BCL7A: variants seen among roughly 807,000 people sequenced by gnomAD.
BCL7A encodes B-cell CLL/lymphoma 7 protein family member A.
BCL7A carries 11 observed loss-of-function variants against 28.4 expected under a neutral mutation model. That is an observed-to-expected ratio of 0.39 (90% CI 0.24 to 0.64). The LOEUF (loss-of-function observed/expected upper bound fraction) is 0.64. Ranked by LOEUF, BCL7A falls within the 30% of genes least tolerant of loss-of-function variation. The pLI is 0.50. For missense variants in BCL7A, 222 were observed against 274.8 expected, an observed-to-expected ratio of 0.81 and a Z score of 1.36; for synonymous variants, 123 against 103.3, an observed-to-expected ratio of 1.19 and a Z score of -1.15.
At chr12:122,026,408 A>C (rs1258869996) in intron 1 of BCL7A, among the ~76,000 whole-genome samples, 1 of 152,108 alleles carries the variant, frequency 6.6e-6, no homozygotes, top group African/African-American at 2.4e-5. Context: ...GTGCCACTGT[A>C]CTCTAGCCTG....
chr12:122,060,122 A>C lies in BCL7A; in HGVS notation c.*959A>C, dbSNP rs1009073603. On this transcript the variant is annotated 3_prime_UTR_variant, in exon 6 of 6. Coordinates refer to ENST00000261822, the MANE Select transcript of BCL7A (RefSeq NM_001024808.3). ...GGGGAGGCTGGGAGCCGGCGGCAGG[A>C]TTAGCTGGTGCTGAACTTTCTCTCA... 2.1e-5 allele frequency: 5 copies of C among 233,122 alleles called. No individual in the cohort carries two copies. The highest frequency in any genetic ancestry group is 1.1e-4 in the African/African-American group (5 of 45,312). 14.4% of individuals were successfully genotyped at this position (233,122 alleles called of 1,614,324 possible).
chr12:122,028,426 TC>T, intron 1 of BCL7A, among the ~76,000 whole-genome samples: 1 of 152,136 alleles, frequency 6.6e-6, no homozygotes, highest in African/African-American at 2.4e-5. Flanking sequence ...TTTTTTTTTT[TC>T]CCAAACACAA....
chr12:122,022,279 C>A, intron 1 of BCL7A, 96 bp downstream of exon 1: 1 of 704,886 alleles, frequency 1.4e-6, no homozygotes, highest in Non-Finnish European at 1.7e-6. Flanking sequence ...CGGCCGCCTG[C>A]CCCGGCCCAG....
chr12:122,025,260 G>A (rs1432546356), intron 1 of BCL7A, among the ~76,000 whole-genome samples: 2 of 152,188 alleles, frequency 1.3e-5, no homozygotes, highest in South Asian at 2.1e-4. Context: ...AGCTTTGGGA[G>A]GCTGAGACAG....
chr12:122,041,660 A>G (rs925611800), intron 3 of BCL7A, among the ~76,000 whole-genome samples: 2 of 152,172 alleles, frequency 1.3e-5, no homozygotes, highest in Non-Finnish European at 2.9e-5. Flanking sequence ...GCTACTCAGG[A>G]GGCAGAGGCA....
At chr12:122,058,079 C>G (rs2135863018) in intron 5 of BCL7A, among the ~76,000 whole-genome samples, 1 of 152,006 alleles carries the variant, frequency 6.6e-6, no homozygotes, top group East Asian at 1.9e-4. Context: ...TGCATATAGT[C>G]CCAGCTACTC....
intron 1 of BCL7A, among the ~76,000 whole-genome samples, chr12:122,028,170 T>C (rs907673352): frequency 6.6e-6 from 1 of 152,194 alleles, no homozygotes; most frequent in South Asian, 2.1e-4. Flanking sequence ...CCCCTCAATG[T>C]CCACACCTAG....
intron 5 of BCL7A, among the ~76,000 whole-genome samples, chr12:122,058,245 C>G (rs1951892313): frequency 6.6e-6 from 1 of 152,000 alleles, no homozygotes; most frequent in Non-Finnish European, 1.5e-5. Flanking sequence ...TGGCTCACGC[C>G]TGTAATCCTA....
Position 122,022,089 on chromosome 12 carries a change from A to C in BCL7A, c.-3A>C. 1 of 1,563,164 alleles carries C rather than the reference A, an allele frequency of 6.4e-7. No homozygotes were observed. Among genetic ancestry groups the C allele is most frequent in the African/African-American group, 1.4e-5 (1 of 71,800 alleles). Reference sequence around the variant, plus strand: ...CCCCAGCCTCCGTCTCCCCGCCGGAACCATGTCGGGCAGGTCGGTTCGAGC... The same window carrying C: ...CCCCAGCCTCCGTCTCCCCGCCGGACCCATGTCGGGCAGGTCGGTTCGAGC... On this transcript the variant is annotated 5_prime_UTR_variant, in exon 1 of 6. Transcript: ENST00000261822.
At chr12:122,027,996 G>A (rs1272337170) in intron 1 of BCL7A, among the ~76,000 whole-genome samples, 1 of 152,104 alleles carries the variant, frequency 6.6e-6, no homozygotes, top group Non-Finnish European at 1.5e-5. Context: ...CGCTGAACCC[G>A]TGTGCCCACC....
At position 122,029,747 on chromosome 12, in the gene BCL7A, T is replaced by C. The variant is rs1883702078; in HGVS notation, c.93-953T>C. On this transcript the variant is annotated intron_variant, in intron 1 of 5. Transcript: ENST00000261822. This position sits in a 1 kb window ranked among gnomAD's most constrained non-coding sequence, Gnocchi z 4.3. ...CAGCCCTGCTTCTGGGAGGCTCTCCTGAGCCTCAGTCCCCTCAGGGGTGTG... is the reference window on the plus strand; with the variant it reads ...CAGCCCTGCTTCTGGGAGGCTCTCCCGAGCCTCAGTCCCCTCAGGGGTGTG... Among the ~76,000 whole-genome samples the C allele has an allele frequency of 6.6e-6, 1 of 152,178 alleles. No individual in the cohort carries two copies. The highest frequency in any genetic ancestry group is 1.5e-5 in the Non-Finnish European group (1 of 68,036).
chr12:122,036,871 C>T (rs1883867192), intron 3 of BCL7A, among the ~76,000 whole-genome samples: 1 of 152,120 alleles, frequency 6.6e-6, no homozygotes, highest in Non-Finnish European at 1.5e-5. Flanking sequence ...CCATGCCTGG[C>T]TAATTTTTTT....
chr12:122,037,684 C>A (rs575256662), intron 3 of BCL7A, among the ~76,000 whole-genome samples: 1 of 151,968 alleles, frequency 6.6e-6, no homozygotes, highest in Non-Finnish European at 1.5e-5. Context: ...CGGTGGCTCA[C>A]GCTTGTAATC....
At chr12:122,053,687 A>ACCCC (rs1241074435) in intron 4 of BCL7A, among the ~76,000 whole-genome samples, 1 of 60,288 alleles carries the variant, frequency 1.7e-5, no homozygotes, top group Non-Finnish European at 3.4e-5. Context: ...AGCTGCACCC[A>ACCCC]CCCCCCCGCC....
At chr12:122,040,795 C>T (rs1019265059) in intron 3 of BCL7A, among the ~76,000 whole-genome samples, 46 of 152,120 alleles carry the variant, frequency 3.0e-4, no homozygotes, top group African/African-American at 9.6e-4. Flanking sequence ...AAGGAGAGGG[C>T]GGTGCCCCGG....
chr12:122,046,060 T>TA (rs776315126), intron 4 of BCL7A, among the ~76,000 whole-genome samples: 5,404 of 62,614 alleles, frequency 0.086, 449 homozygotes, highest in Non-Finnish European at 0.11. Flanking sequence ...GAGACCTTGC[T>TA]AAAAAAAAAA....
chr12:122,035,225 A>G (rs1313914944), intron 2 of BCL7A, 106 bp from the exon 3 acceptor site: 4 of 1,023,396 alleles, frequency 3.9e-6, no homozygotes, highest in Admixed American at 2.1e-5. Context: ...GGGCTCCAGG[A>G]GGCTTCAATG....
chr12:122,040,162 G>A (rs1023379728), intron 3 of BCL7A, among the ~76,000 whole-genome samples: 1 of 152,212 alleles, frequency 6.6e-6, no homozygotes, highest in Admixed American at 6.5e-5. Flanking sequence ...GTGAGGTGAA[G>A]TAACATGCAT....
In BCL7A at chr12:122,059,414, A is replaced by T. The variant is rs1008726933; in HGVS notation, c.*251A>T. On this transcript the variant is annotated 3_prime_UTR_variant, in exon 6 of 6. Coordinates refer to ENST00000261822, the MANE Select transcript of BCL7A (RefSeq NM_001024808.3). This position sits in a 1 kb window ranked among gnomAD's most constrained non-coding sequence, Gnocchi z 4.0. The stretch of plus-strand genomic sequence containing the variant: ...AGGCAGGCGGGGCTGACAGCTCAGG[A>T]GTGTCTGCACACTGTCTCGGAAGCC... The T allele has an allele frequency of 2.2e-6, 1 of 445,970 alleles. No individual in the cohort carries two copies. The highest frequency in any genetic ancestry group is 4.1e-6 in the Non-Finnish European group (1 of 243,582). 27.6% of individuals were successfully genotyped at this position (445,970 alleles called of 1,614,324 possible). A position where few individuals can be genotyped will look rare whatever the true frequency, so the allele number is the denominator to read the frequency against.
Sources: allele counts gnomAD v4.1 joint callset (sites outside exome capture counted in the v4.1 genomes callset), GRCh38; gene constraint gnomAD v4.1.1; non-coding constraint Gnocchi (gnomAD v3.1); transcripts MANE v1.5; gene names NCBI Gene and HGNC (gene_info 2026-07-23, HGNC 2026-07-21).